Variants in TSPAN11 observed in about 807,000 individuals in gnomAD.
The protein encoded by TSPAN11 is tetraspanin 11.
Under a neutral mutation model 32.9 loss-of-function variants are expected in TSPAN11, and 29 were observed. That is an observed-to-expected ratio of 0.88 (90% confidence interval 0.66 to 1.20). The LOEUF is 1.20. TSPAN11 is among the 50% of genes most tolerant of loss of function. The pLI is 0.00. For missense variants in TSPAN11, 283 were observed against 329.1 expected, an observed-to-expected ratio of 0.86 and a Z score of 1.08; for synonymous variants, 140 against 141.3, an observed-to-expected ratio of 0.99 and a Z score of 0.07.
At chr12:30,997,832 G>A (rs924063282), downstream of TSPAN11, among the ~76,000 whole-genome samples, 14 of 152,276 alleles carry the variant, frequency 9.2e-5, no homozygotes, top group East Asian at 2.7e-3. Flanking sequence ...GAACCCAATA[G>A]GGCCCTGCCA....
chr12:30,939,238 CA>C (rs34239881), intron 1 of TSPAN11, among the ~76,000 whole-genome samples: 410 of 136,860 alleles, frequency 3.0e-3, no homozygotes, highest in Middle Eastern at 7.4e-3. Flanking sequence ...AAGACTCCAT[CA>C]AAAAAAAAAA....
At chr12:31,014,251 CTAT>C in the TSPAN11 span, among the ~76,000 whole-genome samples, 1 of 152,192 alleles carries the variant, frequency 6.6e-6, no homozygotes, top group Admixed American at 6.5e-5. Context: ...AGCTCTTAAA[CTAT>C]TATCATGAAG....
chr12:30,937,783 A>G (rs1938076789), intron 1 of TSPAN11, among the ~76,000 whole-genome samples: 1 of 152,170 alleles, frequency 6.6e-6, no homozygotes, highest in South Asian at 2.1e-4. Context: ...AGAATCTCTA[A>G]TAGGGGAGCA....
At chr12:30,963,781 C>T (rs767990676) in intron 2 of TSPAN11, 45 bp from the exon 3 acceptor site, 13 of 1,579,736 alleles carry the variant, frequency 8.2e-6, no homozygotes, top group East Asian at 4.5e-5. Context: ...TAGCAGCTGC[C>T]GAGGCCCCCG....
chr12:30,972,231 A>T (rs940137455), intron 3 of TSPAN11, among the ~76,000 whole-genome samples: 18 of 152,132 alleles, frequency 1.2e-4, no homozygotes, highest in African/African-American at 4.3e-4. Flanking sequence ...GGTCAGTGGG[A>T]TAGGTTCAGG....
In TSPAN11 at chr12:30,982,568, C is replaced by T; in HGVS notation, c.493C>T (p.Gln165Ter). Residue 165 changes from glutamine to a stop codon, truncating the protein, a stop_gained, in exon 6 of 8, where the codon CAG becomes TAG. Transcript: ENST00000546076. LOFTEE classifies it high-confidence loss of function. ...CCGSNSSADW[Q>*]HSTYILLREA... is the part of the protein sequence containing the mutation. Reference sequence around the variant, plus strand: ...TGGAAGCAACAGCTCAGCCGACTGGCAGCACAGCACGTACATCCTGTTGCG... The same window carrying T: ...TGGAAGCAACAGCTCAGCCGACTGGTAGCACAGCACGTACATCCTGTTGCG... 1 of 1,612,224 alleles carries T rather than the reference C, an allele frequency of 6.2e-7. No homozygotes were observed. The highest frequency in any genetic ancestry group is 8.5e-7 in the Non-Finnish European group (1 of 1,179,024).
chr12:30,956,741 C>T (rs769104387), intron 2 of TSPAN11, among the ~76,000 whole-genome samples: 5 of 152,204 alleles, frequency 3.3e-5, no homozygotes, highest in South Asian at 4.1e-4. Context: ...TGGCTCCCTA[C>T]GGTGCCCATC....
intron 3 of TSPAN11, among the ~76,000 whole-genome samples, chr12:30,969,767 A>G (rs372093356): frequency 4.6e-5 from 7 of 152,074 alleles, no homozygotes; most frequent in African/African-American, 1.7e-4. Context: ...TTTCCAGCAC[A>G]TTCCTGGCAT....
chr12:30,949,091 C>T (rs1938326500), intron 1 of TSPAN11, among the ~76,000 whole-genome samples: 1 of 152,222 alleles, frequency 6.6e-6, no homozygotes, highest in African/African-American at 2.4e-5. Flanking sequence ...TTCCTCATCT[C>T]CATCTGAGAC....
At chr12:30,940,552 A>G (rs1938139270) in intron 1 of TSPAN11, among the ~76,000 whole-genome samples, 1 of 152,232 alleles carries the variant, frequency 6.6e-6, no homozygotes, top group African/African-American at 2.4e-5. Context: ...ATTGTTGACA[A>G]GCAGCATAAC....
At chr12:31,010,702 G>A in the TSPAN11 span, among the ~76,000 whole-genome samples, 1 of 152,106 alleles carries the variant, frequency 6.6e-6, no homozygotes, top group Non-Finnish European at 1.5e-5. Flanking sequence ...AGGCTGAGGT[G>A]GAAGGATCCC....
chr12:31,001,887 T>TG, the TSPAN11 span, among the ~76,000 whole-genome samples: 2 of 152,138 alleles, frequency 1.3e-5, no homozygotes, highest in African/African-American at 4.8e-5. Context: ...CTTGTGTGAC[T>TG]GGGGCCCAGT....
chr12:31,009,155 C>T, the TSPAN11 span, among the ~76,000 whole-genome samples: 1 of 152,258 alleles, frequency 6.6e-6, no homozygotes, highest in African/African-American at 2.4e-5. Flanking sequence ...CTCGCAAATG[C>T]GCCTTCCACA....
chr12:30,997,597 A>G (rs1469616734), downstream of TSPAN11: 1 of 152,318 alleles, frequency 6.6e-6, no homozygotes, highest in East Asian at 1.9e-4. Context: ...CACGAGAACA[A>G]CAAGGGGGAA....
At chr12:31,008,111 CTTTTTTT>C in the TSPAN11 span, among the ~76,000 whole-genome samples, 170 of 145,370 alleles carry the variant, frequency 1.2e-3, no homozygotes, top group Non-Finnish European at 1.5e-3. Flanking sequence ...TTTCTTTTTT[CTTTTTTT>C]TTTTTTTTTT....
chr12:30,959,651 G>A (rs905026933), intron 2 of TSPAN11, among the ~76,000 whole-genome samples: 4 of 151,876 alleles, frequency 2.6e-5, no homozygotes, highest in East Asian at 1.9e-4. Flanking sequence ...GTGGTGGCGC[G>A]TGCCTGTAAT....
intron 1 of TSPAN11, among the ~76,000 whole-genome samples, chr12:30,928,977 G>A (rs977483131): frequency 2.0e-5 from 3 of 152,206 alleles, no homozygotes; most frequent in African/African-American, 7.2e-5. Context: ...TATTGTTTGT[G>A]AATGAGTGAG....
chr12:30,945,364 G>A (rs1414006871), intron 1 of TSPAN11, among the ~76,000 whole-genome samples: 2 of 152,166 alleles, frequency 1.3e-5, no homozygotes, highest in East Asian at 3.9e-4. Flanking sequence ...TAAGTACCAG[G>A]CCTGGCACCT....
chr12:30,938,116 T>C (rs1938083907), intron 1 of TSPAN11, among the ~76,000 whole-genome samples: 1 of 152,118 alleles, frequency 6.6e-6, no homozygotes, highest in African/African-American at 2.4e-5. Flanking sequence ...GGGGAGAAAA[T>C]CTTCTGGGAG....
Sources: allele counts gnomAD v4.1 joint callset (sites outside exome capture counted in the v4.1 genomes callset), GRCh38; gene constraint gnomAD v4.1.1; transcripts MANE v1.5; gene names NCBI Gene and HGNC (gene_info 2026-07-23, HGNC 2026-07-21).